The following TAFA1 variants were observed in gnomAD, a reference collection of about 807,000 sequenced individuals.
TAFA1 encodes the protein chemokine-like protein TAFA-1.
Under a neutral mutation model 18.5 loss-of-function variants are expected in TAFA1, and 4 were observed. That is an observed-to-expected ratio of 0.22 (90% CI 0.11 to 0.49). The LOEUF (loss-of-function observed/expected upper bound fraction) is 0.49, where lower values mean the gene tolerates loss of function less well. Among genes scored for constraint, TAFA1 ranks in the 20% least tolerant of loss-of-function variants. TAFA1 has a pLI of 0.98. For synonymous variants in TAFA1, 56 were observed against 55.2 expected (o/e 1.01, Z -0.06); for missense variants, 147 against 169.0 (o/e 0.87, Z 0.72).
intron 2 of TAFA1, among the ~76,000 whole-genome samples, chr3:68,410,354 G>A (rs2070690249): frequency 6.6e-6 from 1 of 152,164 alleles, no homozygotes; most frequent in East Asian, 1.9e-4. Flanking sequence ...GTGGCAGAAA[G>A]AGAACTGGGA....
At chr3:68,030,095 A>G (rs1194514777) in intron 2 of TAFA1, among the ~76,000 whole-genome samples, 1 of 152,198 alleles carries the variant, frequency 6.6e-6, no homozygotes, top group Non-Finnish European at 1.5e-5. Context: ...TGTAAGATGA[A>G]GAAATTAGAG....
chr3:68,259,728 GCTCT>G (rs1411019099), intron 2 of TAFA1, among the ~76,000 whole-genome samples: 1 of 151,154 alleles, frequency 6.6e-6, no homozygotes, highest in Non-Finnish European at 1.5e-5. Context: ...TCATGATTTG[GCTCT>G]CTGTTTGTCT....
At chr3:68,518,386 T>C (rs997952203) in intron 3 of TAFA1, among the ~76,000 whole-genome samples, 16 of 152,260 alleles carry the variant, frequency 1.1e-4, no homozygotes, top group Admixed American at 1.0e-3. Context: ...TTGCCCTGAC[T>C]ACATTGATTG....
At chr3:68,292,411 C>T (rs967235939) in intron 2 of TAFA1, among the ~76,000 whole-genome samples, 1 of 50,070 alleles carries the variant, frequency 2.0e-5, no homozygotes, top group Admixed American at 2.3e-4. Flanking sequence ...GAGACTCTGT[C>T]AAAAAAAAAA....
rs2071006380 is a variant in TAFA1 at position 68,423,883 on chromosome 3, T to C, written c.259+6463T>C. On this transcript the variant is annotated intron_variant, in intron 3 of 4. Transcript: ENST00000478136. ...TTAAGAAAAAAATCTCTATGATAAG[T>C]TCAGAAGTCTTTCTTCTCATTCCAT... Among the ~76,000 whole-genome samples the C allele has an allele frequency of 2.0e-5, 3 of 152,084 alleles. No homozygotes were observed. The South Asian group carries it at 6.2e-4, about 32-fold the overall frequency.
chr3:68,457,670 T>C (rs1260073835), intron 3 of TAFA1, among the ~76,000 whole-genome samples: 1 of 152,212 alleles, frequency 6.6e-6, no homozygotes, highest in African/African-American at 2.4e-5. Context: ...AAATTTACTC[T>C]CTTAGCAATT....
chr3:68,479,858 A>T (rs887920370), intron 3 of TAFA1, among the ~76,000 whole-genome samples: 13 of 151,992 alleles, frequency 8.6e-5, no homozygotes, highest in African/African-American at 3.1e-4. Flanking sequence ...ACACATACAC[A>T]TTCATACTCA....
intron 2 of TAFA1, among the ~76,000 whole-genome samples, chr3:68,011,811 T>C (rs914607845): frequency 6.6e-6 from 1 of 152,204 alleles, no homozygotes; most frequent in African/African-American, 2.4e-5. Flanking sequence ...ATTGACCTCA[T>C]CGCAGAGTCA....
chr3:68,360,420 A>G (rs191680537), intron 2 of TAFA1, among the ~76,000 whole-genome samples: 44 of 152,154 alleles, frequency 2.9e-4, no homozygotes, highest in Non-Finnish European at 5.3e-4. Context: ...ATGTTGGCAT[A>G]ACTAAGTTTT....
At chr3:68,312,088 G>A (rs949370245) in intron 2 of TAFA1, among the ~76,000 whole-genome samples, 4 of 152,160 alleles carry the variant, frequency 2.6e-5, no homozygotes, top group Admixed American at 1.3e-4. Context: ...TGAGTTCTAC[G>A]TTGACCCCTT....
At chr3:68,066,062 T>A (rs760995482) in intron 2 of TAFA1, among the ~76,000 whole-genome samples, 45 of 152,076 alleles carry the variant, frequency 3.0e-4, no homozygotes, top group Non-Finnish European at 5.3e-4. Context: ...AGATCAGTAG[T>A]TACTTGGGAG....
chr3:68,000,431 G>T (rs1704271423), upstream of TAFA1, among the ~76,000 whole-genome samples: 1 of 152,192 alleles, frequency 6.6e-6, no homozygotes, highest in African/African-American at 2.4e-5. Flanking sequence ...ACTAGAGAAG[G>T]CTTTGGGAAG....
At chr3:68,136,914 G>A (rs1255875730) in intron 2 of TAFA1, among the ~76,000 whole-genome samples, 1 of 152,164 alleles carries the variant, frequency 6.6e-6, no homozygotes, top group Non-Finnish European at 1.5e-5. Context: ...GGATACTTCA[G>A]TGTTCTTTTT....
intron 2 of TAFA1, among the ~76,000 whole-genome samples, chr3:68,072,713 G>T (rs2064772277): frequency 6.6e-6 from 1 of 152,202 alleles, no homozygotes; most frequent in Non-Finnish European, 1.5e-5. Context: ...AGTTTTTACA[G>T]ATTTAGTGAG....
At chr3:68,230,014 G>A (rs2066852060) in intron 2 of TAFA1, among the ~76,000 whole-genome samples, 1 of 151,922 alleles carries the variant, frequency 6.6e-6, no homozygotes. Context: ...ACATGTACAT[G>A]GGGTACATGG....
chr3:68,450,339 A>G (rs941985183), intron 3 of TAFA1, among the ~76,000 whole-genome samples: 1 of 152,226 alleles, frequency 6.6e-6, no homozygotes, highest in Non-Finnish European at 1.5e-5. Flanking sequence ...AGCTGGAGAT[A>G]AAGTTGGGAC....
intron 2 of TAFA1, among the ~76,000 whole-genome samples, chr3:68,083,368 T>C (rs2064928817): frequency 6.6e-6 from 1 of 152,250 alleles, no homozygotes; most frequent in Admixed American, 6.5e-5. Flanking sequence ...TTTCTATAGA[T>C]TTTATGTGAA....
At chr3:68,152,878 C>T (rs889599559) in intron 2 of TAFA1, among the ~76,000 whole-genome samples, 4 of 152,058 alleles carry the variant, frequency 2.6e-5, no homozygotes, top group African/African-American at 9.7e-5. Flanking sequence ...AAGCAGAAAT[C>T]AGCAGGGTGG....
At chr3:68,122,088 C>T (rs1485971076) in intron 2 of TAFA1, among the ~76,000 whole-genome samples, 2 of 152,204 alleles carry the variant, frequency 1.3e-5, no homozygotes, top group Admixed American at 6.5e-5. Context: ...TACCAAGAAA[C>T]AAATGGAGGT....
Sources: gnomAD v4.1 joint callset for allele counts (sites outside exome capture counted in the v4.1 genomes callset) on GRCh38, gnomAD v4.1.1 for gene constraint, MANE v1.5 for transcripts, NCBI Gene and HGNC (gene_info 2026-07-23, HGNC 2026-07-21) for gene names.